Variants in SPIDR observed in about 807,000 individuals in gnomAD.
SPIDR encodes scaffold protein involved in DNA repair.
A neutral mutation model predicts 104.6 loss-of-function variants in SPIDR; 93 were observed. The ratio of observed to expected loss-of-function variants is 0.89; its 90% CI spans 0.75 to 1.06. The LOEUF is 1.06. Among genes scored for constraint, SPIDR ranks in the 50% least tolerant of loss-of-function variants. SPIDR has a pLI of 0.00. For synonymous variants in SPIDR, 431 were observed against 416.9 expected, an observed-to-expected ratio of 1.03 and a Z score of -0.41; for missense variants, 1,154 against 1,111.2, an observed-to-expected ratio of 1.04 and a Z score of -0.55.
chr8:47,719,529 A>T (rs1049612297), intron 16 of SPIDR, among the ~76,000 whole-genome samples: 3 of 151,990 alleles, frequency 2.0e-5, no homozygotes, highest in African/African-American at 7.2e-5. Flanking sequence ...AATAGAAAGC[A>T]TATAAGCACC....
chr8:47,405,425 A>G (rs781931380), intron 6 of SPIDR, among the ~76,000 whole-genome samples: 1 of 152,128 alleles, frequency 6.6e-6, no homozygotes, highest in Non-Finnish European at 1.5e-5. Flanking sequence ...CCAAAATTTT[A>G]AAATATTGTA....
chr8:47,517,957 G>A lies in SPIDR; in HGVS notation c.1097+77415G>A, dbSNP rs1039210351. 5.6e-4 allele frequency among the ~76,000 whole-genome samples: 85 copies of A among 152,228 alleles called. 1 individual carries two copies. Among genetic ancestry groups the A allele is most frequent in the African/African-American group, 1.9e-3 (79 of 41,542 alleles). ...ATACATCATAAGAGTTCTTGCCTCT[G>A]TATTCTATTTCATTGTGTTATAGCT... On this transcript the variant is annotated intron_variant, in intron 8 of 19. Coordinates refer to ENST00000297423, the MANE Select transcript of SPIDR (RefSeq NM_001080394.4).
chr8:47,314,673 T>A (rs1162636645), intron 5 of SPIDR, among the ~76,000 whole-genome samples: 1 of 152,150 alleles, frequency 6.6e-6, no homozygotes, highest in Non-Finnish European at 1.5e-5. Context: ...CCAGGTCCCT[T>A]CCACGACGTG....
intron 10 of SPIDR, among the ~76,000 whole-genome samples, chr8:47,616,467 A>T (rs62539140): frequency 8.5e-5 from 13 of 152,202 alleles, no homozygotes; most frequent in Non-Finnish European, 1.6e-4. Flanking sequence ...GAAGTGTGTT[A>T]CCTACAGTGA....
At chr8:47,487,193 G>GCA (rs2077790403) in intron 8 of SPIDR, among the ~76,000 whole-genome samples, 1 of 151,160 alleles carries the variant, frequency 6.6e-6, no homozygotes, top group South Asian at 2.1e-4. Flanking sequence ...AAAACAAAAA[G>GCA]GGGTTGCAAT....
chr8:47,315,233 G>C (rs7813459), intron 5 of SPIDR, among the ~76,000 whole-genome samples: 2,048 of 152,056 alleles, frequency 0.013, 55 homozygotes, highest in African/African-American at 0.046. Flanking sequence ...GACATTTGTA[G>C]AATATCATGG....
At chr8:47,570,867 C>T (rs2058432393) in intron 8 of SPIDR, among the ~76,000 whole-genome samples, 1 of 151,992 alleles carries the variant, frequency 6.6e-6, no homozygotes. Flanking sequence ...CCTAGGTGGG[C>T]GGATCACAAG....
chr8:47,702,085 TCTCTCTCTCTCTTACACACA>T (rs748877088), intron 14 of SPIDR, 70 bp downstream of exon 14: 155,717 of 374,260 alleles, frequency 0.42, 26,130 homozygotes, highest in East Asian at 0.48. Context: ...TCTCTCTCTC[TCTCTCTCTCTCTTACACACA>T]CACACACACA....
intron 10 of SPIDR, among the ~76,000 whole-genome samples, chr8:47,664,739 T>C (rs1292879220): frequency 1.2e-5 from 1 of 85,706 alleles, no homozygotes; most frequent in Non-Finnish European, 2.4e-5. Context: ...AAACCCCATC[T>C]CTACAAAAAA....
At chr8:47,367,001 T>C (rs2057317155) in intron 5 of SPIDR, among the ~76,000 whole-genome samples, 1 of 152,216 alleles carries the variant, frequency 6.6e-6, no homozygotes, top group South Asian at 2.1e-4. Context: ...TCCATGGGAC[T>C]GTGTGACTAG....
chr8:47,466,218 C>T (rs1487642114), intron 8 of SPIDR, among the ~76,000 whole-genome samples: 1 of 152,162 alleles, frequency 6.6e-6, no homozygotes, highest in Non-Finnish European at 1.5e-5. Flanking sequence ...ACAGAATATA[C>T]ATTCTTCTCA....
chr8:47,629,886 G>A (rs2066787587), intron 10 of SPIDR, among the ~76,000 whole-genome samples: 1 of 152,234 alleles, frequency 6.6e-6, no homozygotes. Context: ...TTTTCTTAAA[G>A]GGATAAAAGG....
intron 5 of SPIDR, among the ~76,000 whole-genome samples, chr8:47,318,373 G>C (rs2045845238): frequency 6.6e-6 from 1 of 151,576 alleles, no homozygotes; most frequent in African/African-American, 2.4e-5. Flanking sequence ...ATGAAATGAA[G>C]TGAGAAGAGA....
At chr8:47,387,944 A>G (rs1209639751) in intron 5 of SPIDR, among the ~76,000 whole-genome samples, 1 of 152,166 alleles carries the variant, frequency 6.6e-6, no homozygotes, top group African/African-American at 2.4e-5. Context: ...AATCCATAGG[A>G]TTATGTTTTT....
At chr8:47,711,384 C>T (rs1323424413) in intron 14 of SPIDR, among the ~76,000 whole-genome samples, 1 of 152,022 alleles carries the variant, frequency 6.6e-6, no homozygotes, top group African/African-American at 2.4e-5. Flanking sequence ...TTGCTATGTT[C>T]ACTACGCTGA....
At chr8:47,731,484 G>A (rs2085223363) in intron 19 of SPIDR, among the ~76,000 whole-genome samples, 1 of 152,228 alleles carries the variant, frequency 6.6e-6, no homozygotes, top group Admixed American at 6.5e-5. Context: ...ACATTTCCCT[G>A]TTCAACCTCC....
chr8:47,621,292 T>G (rs1364953909), intron 10 of SPIDR, among the ~76,000 whole-genome samples: 1 of 152,250 alleles, frequency 6.6e-6, no homozygotes, highest in Non-Finnish European at 1.5e-5. Flanking sequence ...AATGTTATTG[T>G]GACCATCACC....
At chr8:47,270,304 CTT>C (rs1252978780) in intron 1 of SPIDR, among the ~76,000 whole-genome samples, 6 of 152,138 alleles carry the variant, frequency 3.9e-5, no homozygotes, top group Non-Finnish European at 8.8e-5. Context: ...GACTCAATCT[CTT>C]TGTTTGTTAC....
chr8:47,594,494 C>T (rs1192063865), intron 8 of SPIDR, among the ~76,000 whole-genome samples: 2 of 152,142 alleles, frequency 1.3e-5, no homozygotes, highest in Non-Finnish European at 2.9e-5. Context: ...CCTGTGCTAG[C>T]ATGCATAGGG....
Sources: allele counts gnomAD v4.1 joint callset (sites outside exome capture counted in the v4.1 genomes callset), GRCh38; gene constraint gnomAD v4.1.1; transcripts MANE v1.5; gene names NCBI Gene and HGNC (gene_info 2026-07-23, HGNC 2026-07-21).